IL13RA2: variants seen among roughly 807,000 people sequenced by gnomAD.
IL13RA2 encodes interleukin-13 receptor subunit alpha-2.
Under a neutral mutation model 34.1 loss-of-function variants are expected in IL13RA2, and 25 were observed. That is an observed-to-expected ratio of 0.73 (90% confidence interval 0.53 to 1.03). The LOEUF (loss-of-function observed/expected upper bound fraction) is 1.03, where lower values mean the gene tolerates loss of function less well. IL13RA2 is among the 50% of genes least tolerant of loss of function. IL13RA2 has a pLI of 0.00. For missense variants in IL13RA2, 297 were observed against 280.9 expected (o/e 1.06, Z -0.41); for synonymous variants, 106 against 100.4 (o/e 1.06, Z -0.33).
chrX:115,006,946 T>C (rs1481532411), intron 8 of IL13RA2, among the ~76,000 whole-genome samples: 1 of 111,821 alleles, frequency 8.9e-6, no homozygotes, highest in Non-Finnish European at 1.9e-5. Flanking sequence ...TAGCTCTTGG[T>C]TGAGTTTTCC....
intron 3 of IL13RA2, among the ~76,000 whole-genome samples, chrX:115,014,936 T>C (rs1457983822): frequency 2.7e-5 from 3 of 111,750 alleles, no homozygotes; most frequent in Non-Finnish European, 5.6e-5. Context: ...CAAAATATAA[T>C]ATGAAACCTT....
Position 115,014,478 on chromosome X carries a change from T to A in IL13RA2, c.343A>T (p.Asn115Tyr). Residue 115 changes from asparagine to tyrosine, a missense_variant, in exon 4 of 10, where the codon AAT becomes TAT. Coordinates refer to ENST00000243213, the MANE Select transcript of IL13RA2 (RefSeq NM_000640.3). ...IHTLLPWQCT[N>Y]GSEVQSSWAE... ...CAGGAACTTTGAACTTCTGATCCAT[T>A]TGTGCATTGCCATGGTAAAAGCGTG... 8.4e-7 allele frequency: 1 copy of A among 1,192,523 alleles called. No individual in the cohort carries two copies. The highest frequency in any genetic ancestry group is 1.8e-5 in the South Asian group (1 of 54,816).
chrX:115,015,448 T>C (rs972695243), intron 3 of IL13RA2, among the ~76,000 whole-genome samples: 1 of 111,568 alleles, frequency 9.0e-6, no homozygotes, highest in Non-Finnish European at 1.9e-5. Flanking sequence ...GTTTTTTGTT[T>C]TTGTTTTTGT....
At position 115,013,855 on chromosome X, in the gene IL13RA2, G is replaced by T; in HGVS notation, c.435C>A (p.Cys145Ter). 1 of 1,009,467 alleles carries T rather than the reference G, an allele frequency of 9.9e-7. No homozygotes were observed. The highest frequency in any genetic ancestry group is 1.4e-6 in the Non-Finnish European group (1 of 713,145). The allele number at this position is 1,009,467 out of a possible 1,213,427, so 83.2% of individuals were successfully genotyped here. A position where few individuals can be genotyped will look rare whatever the true frequency, so the allele number is the denominator to read the frequency against. ...GTAAATATTGCCAATTGTAATATACGCAATCCATATCCTGAACTTTAGTTT... is the reference window on the plus strand; with the variant it reads ...GTAAATATTGCCAATTGTAATATACTCAATCCATATCCTGAACTTTAGTTT... ...IPETKVQDMD[C>*]VYYNWQYLLC... Residue 145 changes from cysteine to a stop codon, truncating the protein, a stop_gained, in exon 5 of 10, where the codon TGC becomes TGA. Transcript: ENST00000243213. LOFTEE classifies it high-confidence loss of function.
chrX:115,014,065 A>G (rs1242549224), intron 4 of IL13RA2, among the ~76,000 whole-genome samples, 176 bp from the exon 5 acceptor site: 2 of 112,070 alleles, frequency 1.8e-5, no homozygotes, highest in African/African-American at 6.5e-5. Flanking sequence ...AGGGACATGC[A>G]AAACCAAAAA....
chrX:115,013,854 C>A lies in IL13RA2; in HGVS notation c.436G>T (p.Val146Leu). 1 of 1,006,441 alleles carries A rather than the reference C, an allele frequency of 9.9e-7. No individual in the cohort carries two copies. Among genetic ancestry groups the A allele is most frequent in the Admixed American group, 2.2e-5 (1 of 45,138 alleles). 82.9% of individuals were successfully genotyped at this position (1,006,441 alleles called of 1,213,427 possible). Residue 146 changes from valine (V) to leucine (L), a missense_variant, in exon 5 of 10, where the codon GTA becomes TTA. Coordinates refer to ENST00000243213, the MANE Select transcript of IL13RA2 (RefSeq NM_000640.3). ...PETKVQDMDC[V>L]YYNWQYLLCS... ...AGTAAATATTGCCAATTGTAATATA[C>A]GCAATCCATATCCTGAACTTTAGTT...
chrX:115,005,032 A>G (rs2071679355), intron 9 of IL13RA2, 165 bp downstream of exon 9: 1 of 398,046 alleles, frequency 2.5e-6, no homozygotes. Context: ...TAATTTTTAA[A>G]AATTGCTGTA....
chrX:115,012,878 A>G (rs782735042), intron 5 of IL13RA2, among the ~76,000 whole-genome samples: 3 of 112,061 alleles, frequency 2.7e-5, no homozygotes, highest in Non-Finnish European at 5.6e-5. Context: ...CTTGAAAAAG[A>G]TGGATAAAAA....
rs371792066 is a variant in IL13RA2, at chrX:115,012,658, G to A, written c.521+1111C>T. The stretch of plus-strand genomic sequence containing the variant: ...CACACGCCCATAATCCCAGCTGCTC[G>A]GGAGGCTGAGGCATGAGAATCGCTT... On this transcript the variant is annotated intron_variant, in intron 5 of 9. Coordinates refer to ENST00000243213, the MANE Select transcript of IL13RA2 (RefSeq NM_000640.3). Among the ~76,000 whole-genome samples, 5 of 110,624 alleles carry A rather than the reference G, an allele frequency of 4.5e-5. No homozygotes were observed. The East Asian group carries it at 1.1e-3, about 25-fold the overall frequency.
At chrX:115,012,962 G>A (rs1569507412) in intron 5 of IL13RA2, among the ~76,000 whole-genome samples, 1 of 111,140 alleles carries the variant, frequency 9.0e-6, no homozygotes, top group Non-Finnish European at 1.9e-5. Flanking sequence ...GCAATAACAC[G>A]GGTGAGAAAA....
At chrX:115,014,772 CA>C (rs2071719831) in intron 3 of IL13RA2, among the ~76,000 whole-genome samples, 198 bp from the exon 4 acceptor site, 1 of 111,379 alleles carries the variant, frequency 9.0e-6, no homozygotes, top group Non-Finnish European at 1.9e-5. Context: ...TTTATGAGAT[CA>C]TTTGAATCTT....
rs1602971447 is a variant in IL13RA2 at position 115,004,106 on chromosome X, T to C, written c.1117A>G (p.Ile373Val). The C allele has an allele frequency of 9.8e-7, 1 of 1,015,254 alleles. No individual in the cohort carries two copies. Among genetic ancestry groups the C allele is most frequent in the Non-Finnish European group, 1.4e-6 (1 of 720,259 alleles). 83.7% of individuals were successfully genotyped at this position (1,015,254 alleles called of 1,213,427 possible). ...CATGTATCACAGAAAAATTCTGGAA[T>C]CTAGAAAGAACTCTGTTATTAACAA... is the stretch of plus-strand genomic sequence containing the variant. ...LRKPNTYPKMIPEFFCDT is the reference protein window; with the variant it reads ...LRKPNTYPKMVPEFFCDT Residue 373 changes from isoleucine to valine, a missense_variant and splice_region_variant, in exon 10 of 10, where the codon ATT (isoleucine) becomes GTT (valine). Ile to Val is a conservative substitution (Grantham distance 29). Transcript: ENST00000243213.
chrX:115,013,882 TG>T lies in IL13RA2; in HGVS notation c.407del (p.Pro136GlnfsTer26). 1 of 1,051,428 alleles carries T rather than the reference TG, an allele frequency of 9.5e-7. No individual in the cohort carries two copies. Among genetic ancestry groups the T allele is most frequent in the Non-Finnish European group, 1.3e-6 (1 of 751,803 alleles). The allele number at this position is 1,051,428 out of a possible 1,213,427, so 86.6% of individuals were successfully genotyped here. ...TTYWISPQGIPETKVQDMDCV... is the reference protein window; with the variant it reads ...TTYWISPQGIXETKVQDMDCV... Reference sequence around the variant, plus strand: ...AATCCATATCCTGAACTTTAGTTTCTGGAATTCCTAAGGAACAAATCAACTG... The same window carrying T: ...AATCCATATCCTGAACTTTAGTTTCTGAATTCCTAAGGAACAAATCAACTG... On this transcript the variant is annotated frameshift_variant, in exon 5 of 10. Transcript: ENST00000243213. LOFTEE classifies it high-confidence loss of function.
At chrX:115,014,846 CTT>C (rs17095492) in intron 3 of IL13RA2, among the ~76,000 whole-genome samples, 5,356 of 111,147 alleles carry the variant, frequency 0.048, 354 homozygotes, top group African/African-American at 0.17. Context: ...ATGGCAGAAA[CTT>C]GAGCTATATC....
At chrX:115,009,734 G>A in intron 6 of IL13RA2, 68 bp from the exon 7 acceptor site, 2 of 959,595 alleles carry the variant, frequency 2.1e-6, no homozygotes, top group Non-Finnish European at 3.0e-6. Context: ...TTTATCCAAA[G>A]CTAGGGACAT....
intron 1 of IL13RA2, 107 bp downstream of exon 1, chrX:115,017,444 CAG>C: frequency 5.1e-6 from 2 of 389,899 alleles, no homozygotes; most frequent in Non-Finnish European, 8.9e-6. Flanking sequence ...ACCATGGAAA[CAG>C]AAATAATCAA....
At chrX:115,005,068 A>G (rs2071679483) in intron 9 of IL13RA2, 129 bp downstream of exon 9, 2 of 461,926 alleles carry the variant, frequency 4.3e-6, no homozygotes, top group East Asian at 3.6e-5. Context: ...ATCATAATCC[A>G]TACGGAATCA....
intron 2 of IL13RA2, among the ~76,000 whole-genome samples, chrX:115,016,491 C>A (rs17095086): frequency 1.8e-5 from 2 of 108,278 alleles, no homozygotes; most frequent in African/African-American, 6.7e-5. Context: ...TATCTCTGTG[C>A]TCATGTACGC....
intron 5 of IL13RA2, among the ~76,000 whole-genome samples, chrX:115,012,205 C>T (rs1297911839): frequency 8.9e-6 from 1 of 111,843 alleles, no homozygotes; most frequent in Non-Finnish European, 1.9e-5. Context: ...AATGCTTAGT[C>T]CTCTCTTGAT....
Sources: gnomAD v4.1 joint callset for allele counts (sites outside exome capture counted in the v4.1 genomes callset) on GRCh38, gnomAD v4.1.1 for gene constraint, MANE v1.5 for transcripts, NCBI Gene and HGNC (gene_info 2026-07-23, HGNC 2026-07-21) for gene names.